PLSCR2: variants seen among roughly 807,000 people sequenced by gnomAD.
The protein encoded by PLSCR2 is PL scramblase 2.
Under a neutral mutation model 25.3 loss-of-function variants are expected in PLSCR2, and 18 were observed. The observed-to-expected ratio is 0.71, with a 90% confidence interval of 0.49 to 1.06. The LOEUF (loss-of-function observed/expected upper bound fraction) is 1.06, where lower values mean the gene tolerates loss of function less well. Ranked by LOEUF, PLSCR2 falls within the 50% of genes least tolerant of loss-of-function variation. PLSCR2 has a pLI of 0.00. For synonymous variants in PLSCR2, 88 were observed against 87.3 expected (o/e 1.01, Z -0.04); for missense variants, 243 against 269.5 (o/e 0.90, Z 0.69).
intron 2 of PLSCR2, among the ~76,000 whole-genome samples, chr3:146,410,089 C>CT (rs34516266): frequency 0.82 from 120,966 of 147,874 alleles, 49,404 homozygotes; most frequent in South Asian, 0.9. Context: ...TCAAATTCAG[C>CT]TTTTTTTTTT....
chr3:146,421,108 C>T (rs1156287095), intron 2 of PLSCR2, among the ~76,000 whole-genome samples: 2 of 151,854 alleles, frequency 1.3e-5, no homozygotes, highest in Admixed American at 6.6e-5. Flanking sequence ...TGTATTAGGG[C>T]AGGACAAAAG....
intron 8 of PLSCR2, among the ~76,000 whole-genome samples, chr3:146,434,354 C>A (rs2039696145): frequency 6.6e-6 from 1 of 151,964 alleles, no homozygotes; most frequent in African/African-American, 2.4e-5. Flanking sequence ...TCTAAATATG[C>A]ACTAGGAAAA....
intron 8 of PLSCR2, among the ~76,000 whole-genome samples, chr3:146,435,990 T>C (rs1039549502): frequency 6.6e-6 from 1 of 152,236 alleles, no homozygotes; most frequent in Non-Finnish European, 1.5e-5. Context: ...TTTCTACATA[T>C]GGCTAGCCAG....
rs904549516 is a variant in PLSCR2, at chr3:146,460,305, G to C, written c.-313C>G. 1.7e-5 allele frequency: 17 copies of C among 975,688 alleles called. 1 individual carries two copies. In the Middle Eastern group the frequency reaches 1.4e-3, roughly 83 times the overall value. 60.4% of individuals were successfully genotyped at this position (975,688 alleles called of 1,614,324 possible). A position where few individuals can be genotyped will look rare whatever the true frequency, so the allele number is the denominator to read the frequency against. On this transcript the variant is annotated 5_prime_UTR_variant, in exon 1 of 7. Coordinates refer to ENST00000610787, the Ensembl canonical transcript of PLSCR2. ...GTTCACTGTGAATAGAGTCGGCCTAGAGCTTTACTTTTACTATGTAAAACT... is the reference window on the plus strand; with the variant it reads ...GTTCACTGTGAATAGAGTCGGCCTACAGCTTTACTTTTACTATGTAAAACT...
chr3:146,479,166 A>G (rs370086392), intron 1 of PLSCR2, among the ~76,000 whole-genome samples: 3 of 152,236 alleles, frequency 2.0e-5, no homozygotes, highest in African/African-American at 7.2e-5. Flanking sequence ...CATTGATGCT[A>G]GGAAGAAACT....
chr3:146,492,343 G>A (rs2043581492), intron 1 of PLSCR2, among the ~76,000 whole-genome samples: 1 of 152,006 alleles, frequency 6.6e-6, no homozygotes, highest in South Asian at 2.1e-4. Context: ...AACAACGACA[G>A]GTATACATTC....
At chr3:146,481,470 C>G (rs958816165) in intron 1 of PLSCR2, among the ~76,000 whole-genome samples, 3 of 152,076 alleles carry the variant, frequency 2.0e-5, no homozygotes, top group Non-Finnish European at 4.4e-5. Flanking sequence ...CAGTGAACTC[C>G]CATTCACAAT....
chr3:146,401,665 T>C (rs960539512), intron 2 of PLSCR2: 1 of 152,386 alleles, frequency 6.6e-6, no homozygotes, highest in Non-Finnish European at 1.5e-5. Context: ...GATAATAAAC[T>C]GCTCGAATTT....
rs2042013855 is a variant in PLSCR2 at position 146,469,383 on chromosome 3, G to A, written c.-292-9099C>T. On this transcript the variant is annotated intron_variant, in intron 1 of 8. Transcript: ENST00000336685. ...AGGTGTCGCTTCCCGCGGCCCATTGGGCCCTTGCCCCGCCCTCTGACGCAA... is the reference window on the plus strand; with the variant it reads ...AGGTGTCGCTTCCCGCGGCCCATTGAGCCCTTGCCCCGCCCTCTGACGCAA... 4 of 940,748 alleles carry A rather than the reference G, an allele frequency of 4.3e-6. No individual in the cohort carries two copies. In the African/African-American group the frequency reaches 7.1e-5, roughly 17 times the overall value. The allele number at this position is 940,748 out of a possible 1,614,324, so 58.3% of individuals were successfully genotyped here.
At chr3:146,463,674 G>A (rs76142998), upstream of PLSCR2, among the ~76,000 whole-genome samples, 901 of 152,142 alleles carry the variant, frequency 5.9e-3, 9 homozygotes, top group African/African-American at 0.021. Flanking sequence ...ACCCATGCAC[G>A]CTAATACAAA....
intron 2 of PLSCR2, among the ~76,000 whole-genome samples, chr3:146,402,358 G>A (rs946663284): frequency 6.6e-6 from 1 of 152,112 alleles, no homozygotes; most frequent in Admixed American, 6.5e-5. Flanking sequence ...CTCTTCAGAG[G>A]AAATGTATCA....
intron 2 of PLSCR2, among the ~76,000 whole-genome samples, chr3:146,418,743 G>A (rs1281329655): frequency 6.6e-6 from 1 of 152,116 alleles, no homozygotes; most frequent in Non-Finnish European, 1.5e-5. Context: ...GCTGAGTAAT[G>A]TTATTAGGCA....
chr3:146,488,272 A>C (rs993062335), intron 1 of PLSCR2, among the ~76,000 whole-genome samples: 13 of 152,042 alleles, frequency 8.6e-5, no homozygotes, highest in African/African-American at 2.7e-4. Context: ...GAATGAGAAA[A>C]TATTTCATGA....
intron 2 of PLSCR2, among the ~76,000 whole-genome samples, chr3:146,424,564 C>A (rs143961490): frequency 6.6e-6 from 1 of 152,156 alleles, no homozygotes; most frequent in East Asian, 1.9e-4. Context: ...TAATATAAAT[C>A]TTGGTACGGG....
chr3:146,468,317 A>C (rs2108477840), intron 1 of PLSCR2, among the ~76,000 whole-genome samples: 1 of 152,288 alleles, frequency 6.6e-6, no homozygotes, highest in South Asian at 2.1e-4. Context: ...TCTTAGGAAA[A>C]GTTCAAGAAA....
At chr3:146,433,257 C>G (rs1489965778), downstream of PLSCR2, 1 of 152,128 alleles carries the variant, frequency 6.6e-6, no homozygotes, top group African/African-American at 2.4e-5. Flanking sequence ...ACACACCATT[C>G]TCTCAAATCT....
rs181449595 is a variant in PLSCR2, at chr3:146,484,986, G to A, written c.-293+10909C>T. Among the ~76,000 whole-genome samples, 17 of 152,074 alleles carry A rather than the reference G, an allele frequency of 1.1e-4. No homozygotes were observed. In the East Asian group the frequency reaches 2.7e-3, roughly 24 times the overall value. On this transcript the variant is annotated intron_variant, in intron 1 of 8. Coordinates refer to the PLSCR2 transcript ENST00000336685. ...CTAAATGCCCCAATTAAAAGACACAGACTGGCAAATTGGATAAGGAGTTGA... is the reference window on the plus strand; with the variant it reads ...CTAAATGCCCCAATTAAAAGACACAAACTGGCAAATTGGATAAGGAGTTGA...
At chr3:146,429,474 T>C (rs544022600), downstream of PLSCR2, among the ~76,000 whole-genome samples, 17 of 152,232 alleles carry the variant, frequency 1.1e-4, no homozygotes, top group African/African-American at 3.6e-4. Context: ...TCCATGACCC[T>C]GGACTTTGTG....
chr3:146,446,038 T>C (rs1429541098), intron 6 of PLSCR2, among the ~76,000 whole-genome samples: 2 of 152,178 alleles, frequency 1.3e-5, no homozygotes, highest in Non-Finnish European at 2.9e-5. Flanking sequence ...CGGATAGGAT[T>C]CTGAATTCCC....
Sources: gnomAD v4.1 joint callset for allele counts (sites outside exome capture counted in the v4.1 genomes callset) on GRCh38, gnomAD v4.1.1 for gene constraint, MANE v1.5 for transcripts, NCBI Gene and HGNC (gene_info 2026-07-23, HGNC 2026-07-21) for gene names.